Variants in CNTN5 observed in about 807,000 individuals in gnomAD.
The protein encoded by CNTN5 is contactin-5.
CNTN5 carries 77 observed loss-of-function variants against 129.1 expected under a neutral mutation model. That is an observed-to-expected ratio of 0.60 (90% CI 0.50 to 0.72). CNTN5 has a LOEUF of 0.72. CNTN5 is among the 30% of genes least tolerant of loss of function. The pLI is 0.00. For missense variants in CNTN5, 1,478 were observed against 1,328.8 expected, an observed-to-expected ratio of 1.11 and a Z score of -1.75; for synonymous variants, 509 against 465.6, an observed-to-expected ratio of 1.09 and a Z score of -1.20.
At chr11:99,106,549 G>T (rs181599434) in intron 1 of CNTN5, among the ~76,000 whole-genome samples, 1 of 151,870 alleles carries the variant, frequency 6.6e-6, no homozygotes, top group Non-Finnish European at 1.5e-5. Flanking sequence ...TAATACATTT[G>T]GTTGTCATTT....
At chr11:99,360,962 AT>A (rs369577334) in intron 2 of CNTN5, among the ~76,000 whole-genome samples, 94 of 151,908 alleles carry the variant, frequency 6.2e-4, no homozygotes, top group African/African-American at 2.2e-3. Flanking sequence ...TTTTGCTTAG[AT>A]TTTTTTTGGC....
At position 100,233,785 on chromosome 11, in the gene CNTN5, C is replaced by G. The variant is rs142695640; in HGVS notation, c.2005+8973C>G. 3.3e-5 allele frequency among the ~76,000 whole-genome samples: 5 copies of G among 152,134 alleles called. No individual in the cohort carries two copies. The East Asian group carries it at 7.7e-4, about 24-fold the overall frequency. On this transcript the variant is annotated intron_variant, in intron 16 of 24. Transcript: ENST00000524871. ...GCTTTTGGTGTTTTAGTCAAAAAGT[C>G]TTTGCCCATGCCCAGATGGGATCTA...
chr11:100,030,067 T>C (rs934852728), intron 9 of CNTN5, among the ~76,000 whole-genome samples: 5 of 152,106 alleles, frequency 3.3e-5, no homozygotes, highest in African/African-American at 4.8e-5. Context: ...TTTTTAACCA[T>C]TTACCAAATA....
Position 100,045,560 on chromosome 11 carries a change from G to T in CNTN5, c.981-15652G>T, listed in dbSNP as rs571326496. On this transcript the variant is annotated intron_variant, in intron 9 of 24. Transcript: ENST00000524871. ...AAAGAATTAAGTTTTCTTTTCAGTG[G>T]GACTTGTCTAATGCTTTAACTATTT... Among the ~76,000 whole-genome samples, 23 of 152,046 alleles carry T rather than the reference G, an allele frequency of 1.5e-4. No homozygotes were observed. In the South Asian group the frequency reaches 4.8e-3, roughly 32 times the overall value.
At chr11:99,833,868 G>A (rs188736506) in intron 4 of CNTN5, among the ~76,000 whole-genome samples, 6 of 152,186 alleles carry the variant, frequency 3.9e-5, no homozygotes, top group South Asian at 2.1e-4. Context: ...TTGCTGTGTC[G>A]CTTCCTTCTT....
At chr11:99,754,282 A>G (rs1055449828) in intron 3 of CNTN5, among the ~76,000 whole-genome samples, 1 of 152,214 alleles carries the variant, frequency 6.6e-6, no homozygotes, top group Non-Finnish European at 1.5e-5. Flanking sequence ...AACACCTTCT[A>G]AAAGGAATAT....
At position 99,382,875 on chromosome 11, in the gene CNTN5, T is replaced by TTTC. The variant is rs1491151565; in HGVS notation, c.-71+57391_-71+57392insTTC. On this transcript the variant is annotated intron_variant, in intron 2 of 24. Transcript: ENST00000524871. ...TTTTTTTTTTTTTTTTTTTTTTTTT[T>TTTC]AGACAGAGTCTCGCTCTGTCTCCCA... is the stretch of plus-strand genomic sequence containing the variant. Among the ~76,000 whole-genome samples, 6 of 142,552 alleles carry TTTC rather than the reference T, an allele frequency of 4.2e-5. No individual in the cohort carries two copies. In the South Asian group the frequency reaches 1.4e-3, roughly 33 times the overall value. 93.5% of individuals were successfully genotyped at this position (142,552 alleles called of 152,430 possible).
intron 3 of CNTN5, among the ~76,000 whole-genome samples, chr11:99,599,214 T>G (rs890111627): frequency 6.6e-6 from 1 of 152,008 alleles, no homozygotes; most frequent in African/African-American, 2.4e-5. Flanking sequence ...GATATCTACA[T>G]TCTGAGGCAT....
chr11:100,203,840 TC>T (rs1364571780), intron 15 of CNTN5, among the ~76,000 whole-genome samples: 2 of 84,690 alleles, frequency 2.4e-5, no homozygotes, highest in African/African-American at 9.1e-5. Flanking sequence ...ACTGCCCCTA[TC>T]TTGGATCTAA....
In CNTN5 at chr11:100,164,172, T is replaced by G. The variant is rs140435589; in HGVS notation, c.1581-26954T>G. 1.5e-3 allele frequency among the ~76,000 whole-genome samples: 227 copies of G among 151,882 alleles called. 1 individual carries two copies. Among genetic ancestry groups the G allele is most frequent in the Non-Finnish European group, 2.7e-3 (182 of 67,826 alleles). On this transcript the variant is annotated intron_variant, in intron 13 of 24. Transcript: ENST00000524871. ...GCTTGAGAGACTAAGTTTTCATGAT[T>G]CTCTATGTCCATCATTTGGCATTGA... is the stretch of plus-strand genomic sequence containing the variant.
In CNTN5 at chr11:99,884,318, T is replaced by C. The variant is rs189224462; in HGVS notation, c.578-31736T>C. Among the ~76,000 whole-genome samples the C allele has an allele frequency of 2.4e-4, 37 of 152,300 alleles. No individual in the cohort carries two copies. In the East Asian group the frequency reaches 4.2e-3, roughly 17 times the overall value. On this transcript the variant is annotated intron_variant, in intron 6 of 24. Coordinates refer to ENST00000524871, the MANE Select transcript of CNTN5 (RefSeq NM_014361.4). ...TAATATAATTTGTAGATACGGAATA[T>C]AACATAACTATGTATGAAATGTTTG...
At chr11:99,454,998 C>G (rs1944445383) in intron 2 of CNTN5, among the ~76,000 whole-genome samples, 1 of 152,060 alleles carries the variant, frequency 6.6e-6, no homozygotes, top group Non-Finnish European at 1.5e-5. Context: ...AGAAAATGCA[C>G]TGCATATAGA....
chr11:99,443,630 C>CTCTAT (rs1772851734), intron 2 of CNTN5, among the ~76,000 whole-genome samples: 3 of 152,042 alleles, frequency 2.0e-5, no homozygotes, highest in Non-Finnish European at 4.4e-5. Context: ...TTAGAGTATA[C>CTCTAT]GACTGCTTGT....
chr11:99,475,398 A>G (rs1457365013), intron 2 of CNTN5, among the ~76,000 whole-genome samples: 3 of 152,214 alleles, frequency 2.0e-5, no homozygotes, highest in African/African-American at 4.8e-5. Flanking sequence ...AGTTCCAGGT[A>G]TTCTGTTACA....
At chr11:99,634,776 T>C (rs1439499109) in intron 3 of CNTN5, among the ~76,000 whole-genome samples, 1 of 152,150 alleles carries the variant, frequency 6.6e-6, no homozygotes, top group Non-Finnish European at 1.5e-5. Context: ...ACAGTCAGTA[T>C]TGGGCAAGAA....
intron 2 of CNTN5, among the ~76,000 whole-genome samples, chr11:99,418,302 T>C (rs1337630225): frequency 6.6e-6 from 1 of 152,144 alleles, no homozygotes; most frequent in East Asian, 1.9e-4. Flanking sequence ...GTATGAGTTA[T>C]TCTTACTCTA....
At chr11:99,361,106 T>C (rs550735509) in intron 2 of CNTN5, among the ~76,000 whole-genome samples, 1 of 152,306 alleles carries the variant, frequency 6.6e-6, no homozygotes, top group East Asian at 1.9e-4. Context: ...ATATGTTCCT[T>C]ATTTTTATCT....
intron 1 of CNTN5, among the ~76,000 whole-genome samples, chr11:99,069,743 T>C (rs1325610685): frequency 6.6e-6 from 1 of 152,198 alleles, no homozygotes; most frequent in Non-Finnish European, 1.5e-5. Context: ...GGCCTGTTGC[T>C]TTTACATACC....
At chr11:99,386,586 T>G (rs1367136196) in intron 2 of CNTN5, among the ~76,000 whole-genome samples, 3 of 152,100 alleles carry the variant, frequency 2.0e-5, no homozygotes, top group Non-Finnish European at 4.4e-5. Context: ...TGCAACCTGT[T>G]TTATCAACAA....
Sources: allele counts gnomAD v4.1 joint callset (sites outside exome capture counted in the v4.1 genomes callset), GRCh38; gene constraint gnomAD v4.1.1; transcripts MANE v1.5; gene names NCBI Gene and HGNC (gene_info 2026-07-23, HGNC 2026-07-21).